Variants in KIF26B observed in about 807,000 individuals in gnomAD.
KIF26B encodes the protein kinesin-like protein KIF26B.
In KIF26B, 63 loss-of-function variants were observed where a neutral mutation model predicts 151.2. The observed-to-expected ratio is 0.42, with a 90% CI of 0.34 to 0.51. The LOEUF is 0.51. Among genes scored for constraint, KIF26B ranks in the 20% least tolerant of loss-of-function variants. The probability of loss-of-function intolerance (pLI) is 0.07; values close to 1 mark genes in which losing one functional copy is unlikely to be tolerated. For synonymous variants in KIF26B, 1,357 were observed against 1,262.1 expected (o/e 1.08, Z -1.59); for missense variants, 2,813 against 2,913.6 (o/e 0.97, Z 0.79).
chr1:245,270,191 CTTCTTTTCCCTTCCCTTT>C lies in KIF26B; in HGVS notation c.466-96642_466-96625del, dbSNP rs1670827473. Among the ~76,000 whole-genome samples the C allele has an allele frequency of 1.9e-5, 2 of 104,392 alleles. 1 individual carries two copies. Among genetic ancestry groups the C allele is most frequent in the African/African-American group, 7.8e-5 (2 of 25,512 alleles). 68.5% of individuals were successfully genotyped at this position (104,392 alleles called of 152,430 possible). ...CCTCCCTTCTTCCCTTCCATTCCTT[CTTCTTTTCCCTTCCCTTT>C]CTTCTTCCCTTCCTTCTTCCTTTCC... On this transcript the variant is annotated intron_variant, in intron 2 of 14. Transcript: ENST00000407071.
chr1:245,163,299 GC>G (rs1668562618), intron 2 of KIF26B, among the ~76,000 whole-genome samples: 1 of 152,136 alleles, frequency 6.6e-6, no homozygotes, highest in African/African-American at 2.4e-5. Flanking sequence ...GGACCACCAT[GC>G]CCAGCTAATT....
At chr1:245,575,484 AT>A (rs1397899587) in intron 5 of KIF26B, among the ~76,000 whole-genome samples, 1 of 151,874 alleles carries the variant, frequency 6.6e-6, no homozygotes, top group African/African-American at 2.4e-5. Context: ...CAAAAAAAAA[AT>A]GTAGAAAAAT....
Position 245,685,530 on chromosome 1 carries a change from C to G in KIF26B, c.2547C>G (p.Ser849=), listed in dbSNP as rs773376780. The change falls in exon 12 of 15, where the codon TCC becomes TCG. Residue 849 remains serine (S), a synonymous_variant. Coordinates refer to ENST00000407071, the MANE Select transcript of KIF26B (RefSeq NM_018012.4). ...CTGACTTCCCCATCGCTCACCTGTC[C>G]AGCGACCCCGACTACTCCTCCAGCA... The part of the protein sequence containing the change: ...VDPDFPIAHL[S]SDPDYSSSSE... The G allele has an allele frequency of 6.2e-6, 10 of 1,613,896 alleles. No homozygotes were observed. The highest frequency in any genetic ancestry group is 8.5e-6 in the Non-Finnish European group (10 of 1,179,894).
chr1:245,453,404 A>G (rs1265147027), intron 4 of KIF26B, among the ~76,000 whole-genome samples: 1 of 152,092 alleles, frequency 6.6e-6, no homozygotes, highest in Non-Finnish European at 1.5e-5. Flanking sequence ...TTATTTTTTA[A>G]AGTATTGCAT....
intron 3 of KIF26B, among the ~76,000 whole-genome samples, chr1:245,392,868 T>A (rs1251515781): frequency 6.6e-6 from 1 of 152,176 alleles, no homozygotes; most frequent in Non-Finnish European, 1.5e-5. Flanking sequence ...GGTGTTATTG[T>A]CTAGTTTAAA....
chr1:245,174,414 C>T (rs562425012), intron 2 of KIF26B, among the ~76,000 whole-genome samples: 44 of 151,796 alleles, frequency 2.9e-4, no homozygotes, highest in African/African-American at 1.0e-3. Flanking sequence ...ACATCTCTAA[C>T]AGTAATACAA....
At chr1:245,477,310 C>G (rs1223143376) in intron 4 of KIF26B, among the ~76,000 whole-genome samples, 1 of 150,164 alleles carries the variant, frequency 6.7e-6, no homozygotes, top group East Asian at 1.9e-4. Flanking sequence ...AAATACTTTT[C>G]AAGCATGCAC....
At chr1:245,382,531 GT>G (rs1673434543) in intron 3 of KIF26B, among the ~76,000 whole-genome samples, 2 of 119,450 alleles carry the variant, frequency 1.7e-5, no homozygotes, top group Admixed American at 8.2e-5. Context: ...CTAAGCACAG[GT>G]TTGTGTGTGT....
chr1:245,378,108 C>T (rs1005405013), intron 3 of KIF26B, among the ~76,000 whole-genome samples: 3 of 152,126 alleles, frequency 2.0e-5, no homozygotes, highest in Admixed American at 6.5e-5. Context: ...ATTTAAGTTG[C>T]GAGCCTAATC....
chr1:245,170,364 C>G lies in KIF26B; in HGVS notation c.465+13681C>G, dbSNP rs1175763608. On this transcript the variant is annotated intron_variant, in intron 2 of 14. Coordinates refer to ENST00000407071, the MANE Select transcript of KIF26B (RefSeq NM_018012.4). The surrounding 1 kb of genome is among the most constrained non-coding windows in gnomAD (Gnocchi z 4.4). ...CCTTGTTTTGGCTAAGTCTCATGCCCTCATATCCACTTCTACCCTTGCAGA... is the reference window on the plus strand; with the variant it reads ...CCTTGTTTTGGCTAAGTCTCATGCCGTCATATCCACTTCTACCCTTGCAGA... Among the ~76,000 whole-genome samples the G allele has an allele frequency of 6.6e-6, 1 of 152,168 alleles. No individual in the cohort carries two copies. Among genetic ancestry groups the G allele is most frequent in the Non-Finnish European group, 1.5e-5 (1 of 68,052 alleles).
chr1:245,438,488 C>T (rs139139425), intron 4 of KIF26B, among the ~76,000 whole-genome samples: 6 of 152,210 alleles, frequency 3.9e-5, no homozygotes, highest in Admixed American at 1.3e-4. Flanking sequence ...ATGCCAGAAG[C>T]GGTGGAATTG....
At position 245,511,347 on chromosome 1, in the gene KIF26B, G is replaced by A. The variant is rs369408560; in HGVS notation, c.1167-29420G>A. On this transcript the variant is annotated intron_variant, in intron 4 of 14. Coordinates refer to ENST00000407071, the MANE Select transcript of KIF26B (RefSeq NM_018012.4). ...TATCAGAAGAGACACACAAACTACC[G>A]ACATAGAAGCTACAAACATCCTCCG... is the stretch of plus-strand genomic sequence containing the variant. 7.9e-5 allele frequency among the ~76,000 whole-genome samples: 12 copies of A among 152,258 alleles called. No homozygotes were observed. The East Asian group carries it at 1.5e-3, about 20-fold the overall frequency.
chr1:245,557,934 T>G (rs1347269924), intron 5 of KIF26B, among the ~76,000 whole-genome samples: 4 of 152,162 alleles, frequency 2.6e-5, no homozygotes, highest in Non-Finnish European at 5.9e-5. Context: ...CTGGCAACCT[T>G]GGGTTTCAGG....
At chr1:245,614,408 C>A (rs112244730) in intron 9 of KIF26B, among the ~76,000 whole-genome samples, 1 of 152,180 alleles carries the variant, frequency 6.6e-6, no homozygotes, top group Non-Finnish European at 1.5e-5. Flanking sequence ...CTCCTGACCT[C>A]GTGATCCACC....
At chr1:245,646,026 C>T (rs914833682) in intron 9 of KIF26B, 95 bp from the exon 10 acceptor site, 5 of 1,341,548 alleles carry the variant, frequency 3.7e-6, no homozygotes, top group Non-Finnish European at 5.1e-6. Context: ...TTCCCCTTCT[C>T]ATTTTGCCTC....
At chr1:245,304,674 T>TCCATAC (rs1671502638) in intron 2 of KIF26B, among the ~76,000 whole-genome samples, 1 of 145,912 alleles carries the variant, frequency 6.9e-6, no homozygotes, top group Non-Finnish European at 1.6e-5. Flanking sequence ...CCTGTCTGCC[T>TCCATAC]GTCCATCCAT....
intron 10 of KIF26B, among the ~76,000 whole-genome samples, chr1:245,670,360 C>T (rs2044271204): frequency 6.7e-6 from 1 of 149,998 alleles, no homozygotes; most frequent in Non-Finnish European, 1.5e-5. Context: ...CTCATATTTC[C>T]CCCAGACTTT....
At chr1:245,265,587 CTTTT>C (rs34317893) in intron 2 of KIF26B, among the ~76,000 whole-genome samples, 10 of 140,868 alleles carry the variant, frequency 7.1e-5, no homozygotes, top group African/African-American at 2.4e-4. Context: ...TAGAGAATGA[CTTTT>C]TTTTTTTTTT....
intron 4 of KIF26B, among the ~76,000 whole-genome samples, chr1:245,496,262 TAAAG>T (rs1295686215): frequency 6.6e-6 from 1 of 152,112 alleles, no homozygotes; most frequent in Non-Finnish European, 1.5e-5. Flanking sequence ...GTGGAAAAAT[TAAAG>T]AATCTGGATG....
Sources: gnomAD v4.1 joint callset for allele counts (sites outside exome capture counted in the v4.1 genomes callset) on GRCh38, gnomAD v4.1.1 for gene constraint, Gnocchi (gnomAD v3.1) non-coding constraint, MANE v1.5 for transcripts, NCBI Gene and HGNC (gene_info 2026-07-23, HGNC 2026-07-21) for gene names.